The following ADGRB3 variants were observed in gnomAD, a reference collection of about 807,000 sequenced individuals.
ADGRB3 encodes the protein adhesion G protein-coupled receptor B3.
ADGRB3 carries 37 observed loss-of-function variants against 193.4 expected under a neutral mutation model. That is an observed-to-expected ratio of 0.19 (90% CI 0.15 to 0.25). The LOEUF (loss-of-function observed/expected upper bound fraction) is 0.25. ADGRB3 is among the 10% of genes least tolerant of loss of function. The pLI is 1.00. For missense variants in ADGRB3, 1,637 were observed against 1,852.9 expected, an observed-to-expected ratio of 0.88 and a Z score of 2.14; for synonymous variants, 690 against 644.2, an observed-to-expected ratio of 1.07 and a Z score of -1.08.
chr6:69,128,130 G>A (rs772145150), intron 17 of ADGRB3, among the ~76,000 whole-genome samples: 5 of 152,228 alleles, frequency 3.3e-5, no homozygotes, highest in African/African-American at 4.8e-5. Context: ...CCCAATCTGC[G>A]AAAGGTGCCG....
At chr6:69,376,952 C>G (rs979152406) in intron 30 of ADGRB3, among the ~76,000 whole-genome samples, 1 of 151,866 alleles carries the variant, frequency 6.6e-6, no homozygotes, top group Non-Finnish European at 1.5e-5. Flanking sequence ...GTTTTCAGAC[C>G]CTGCATCTAG....
At chr6:69,096,651 C>G (rs1307364565) in intron 17 of ADGRB3, among the ~76,000 whole-genome samples, 2 of 152,040 alleles carry the variant, frequency 1.3e-5, no homozygotes, top group Non-Finnish European at 2.9e-5. Context: ...TTTTTCTTAT[C>G]AAAATCTGTT....
At chr6:68,822,074 A>G (rs1375990576) in intron 3 of ADGRB3, among the ~76,000 whole-genome samples, 2 of 151,934 alleles carry the variant, frequency 1.3e-5, no homozygotes, top group Admixed American at 6.6e-5. Flanking sequence ...CAGTAAGCCT[A>G]GGCCCAAATT....
At chr6:69,028,504 A>G (rs975206946) in intron 13 of ADGRB3, among the ~76,000 whole-genome samples, 1 of 152,202 alleles carries the variant, frequency 6.6e-6, no homozygotes, top group Non-Finnish European at 1.5e-5. Context: ...TTTAATGTCG[A>G]AAACACTGAT....
chr6:69,346,644 C>T (rs1475907243), intron 26 of ADGRB3, among the ~76,000 whole-genome samples: 2 of 152,142 alleles, frequency 1.3e-5, no homozygotes, highest in Non-Finnish European at 2.9e-5. Flanking sequence ...AAATCAAAAC[C>T]TCAGTGAGAT....
intron 3 of ADGRB3, among the ~76,000 whole-genome samples, chr6:68,744,338 A>C (rs1766040318): frequency 6.6e-6 from 1 of 152,176 alleles, no homozygotes; most frequent in East Asian, 1.9e-4. Flanking sequence ...GCAATTCCTC[A>C]AGGATCTAGA....
chr6:68,959,449 T>A (rs530929860), intron 8 of ADGRB3, among the ~76,000 whole-genome samples: 1 of 152,282 alleles, frequency 6.6e-6, no homozygotes, highest in Admixed American at 6.5e-5. Flanking sequence ...AAACAACTAC[T>A]GTTTATTTTA....
chr6:68,902,203 G>C (rs1228472463), intron 3 of ADGRB3, among the ~76,000 whole-genome samples: 1 of 152,062 alleles, frequency 6.6e-6, no homozygotes, highest in African/African-American at 2.4e-5. Context: ...GATTCAAAAT[G>C]GCAGGTCAGC....
At chr6:68,799,343 A>G (rs1582211424) in intron 3 of ADGRB3, among the ~76,000 whole-genome samples, 1 of 152,264 alleles carries the variant, frequency 6.6e-6, no homozygotes, top group South Asian at 2.1e-4. Flanking sequence ...ATTTCTTCCC[A>G]GTTTCATAAA....
At position 69,153,407 on chromosome 6, in the gene ADGRB3, G is replaced by C. The variant is rs149588232; in HGVS notation, c.2480+77369G>C. ...GCAAATGGAATAACAAAGGATAAAA[G>C]AGGTTTGGGGAAAACCTGAGAAGCA... On this transcript the variant is annotated intron_variant, in intron 17 of 31. Coordinates refer to ENST00000370598, the MANE Select transcript of ADGRB3 (RefSeq NM_001704.3). Among the ~76,000 whole-genome samples the C allele has an allele frequency of 3.9e-5, 6 of 152,270 alleles. No individual in the cohort carries two copies. In the East Asian group the frequency reaches 1.2e-3, roughly 29 times the overall value.
At chr6:69,320,817 A>ATGTGTGTGTGTGTGTGTG (rs1491560826) in intron 20 of ADGRB3, among the ~76,000 whole-genome samples, 9 of 104,874 alleles carry the variant, frequency 8.6e-5, no homozygotes, top group Non-Finnish European at 1.0e-4. Context: ...GTGCTTGTGC[A>ATGTGTGTGTGTGTGTGTG]TGTGTGTATG....
intron 3 of ADGRB3, among the ~76,000 whole-genome samples, chr6:68,762,173 C>T (rs1040032311): frequency 6.6e-6 from 1 of 152,124 alleles, no homozygotes; most frequent in South Asian, 2.1e-4. Context: ...CCACTCTTTT[C>T]TCCACCATCT....
chr6:68,965,547 A>G lies in ADGRB3; in HGVS notation c.1525+8738A>G, dbSNP rs76351332. Among the ~76,000 whole-genome samples the G allele has an allele frequency of 4.2e-4, 64 of 152,258 alleles. 1 individual carries two copies. In the East Asian group the frequency reaches 0.011, roughly 26 times the overall value. On this transcript the variant is annotated intron_variant, in intron 8 of 31. Coordinates refer to ENST00000370598, the MANE Select transcript of ADGRB3 (RefSeq NM_001704.3). ...GGGGTAAAAACTAATTTTCCACACAAAATTGATTTAAGCCCTGTATCATTT... is the reference window on the plus strand; with the variant it reads ...GGGGTAAAAACTAATTTTCCACACAGAATTGATTTAAGCCCTGTATCATTT...
intron 17 of ADGRB3, among the ~76,000 whole-genome samples, chr6:69,101,127 C>T (rs1042219311): frequency 4.0e-5 from 6 of 151,646 alleles, no homozygotes; most frequent in Admixed American, 2.6e-4. Flanking sequence ...TTAACCTTAC[C>T]ACTCTTTAGT....
intron 16 of ADGRB3, among the ~76,000 whole-genome samples, chr6:69,068,409 A>G (rs1029102095): frequency 2.6e-5 from 4 of 152,178 alleles, no homozygotes; most frequent in African/African-American, 9.7e-5. Flanking sequence ...TTTCTTTATT[A>G]AAGTTATTTG....
chr6:68,868,537 C>T (rs1765367233), intron 3 of ADGRB3, among the ~76,000 whole-genome samples: 1 of 152,052 alleles, frequency 6.6e-6, no homozygotes, highest in Non-Finnish European at 1.5e-5. Context: ...ATTTTTTAAC[C>T]AAATCCACAA....
At chr6:69,307,333 A>T (rs1355223860) in intron 20 of ADGRB3, among the ~76,000 whole-genome samples, 1 of 151,604 alleles carries the variant, frequency 6.6e-6, no homozygotes, top group Admixed American at 6.6e-5. Context: ...TTTATGCCAC[A>T]TGCTGTATTT....
At chr6:69,007,815 C>T (rs1769809823) in intron 11 of ADGRB3, among the ~76,000 whole-genome samples, 1 of 151,922 alleles carries the variant, frequency 6.6e-6, no homozygotes, top group Non-Finnish European at 1.5e-5. Flanking sequence ...AACAAAATAC[C>T]TGAGACTGGT....
intron 20 of ADGRB3, among the ~76,000 whole-genome samples, chr6:69,266,922 T>C (rs1582591123): frequency 6.6e-6 from 1 of 152,238 alleles, no homozygotes; most frequent in South Asian, 2.1e-4. Context: ...ACAAGGGTGA[T>C]ACCAGTCTAA....
Sources: allele counts gnomAD v4.1 joint callset (sites outside exome capture counted in the v4.1 genomes callset), GRCh38; gene constraint gnomAD v4.1.1; transcripts MANE v1.5; gene names NCBI Gene and HGNC (gene_info 2026-07-23, HGNC 2026-07-21).